The following PRORP variants were observed in gnomAD, a reference collection of about 807,000 sequenced individuals.
The protein encoded by PRORP is protein only RNase P catalytic subunit, also known as mitochondrial ribonuclease P catalytic subunit.
PRORP carries 51 observed loss-of-function variants against 59.4 expected under a neutral mutation model. The observed-to-expected ratio is 0.86, with a 90% CI of 0.69 to 1.08. PRORP has a LOEUF of 1.08. Ranked by LOEUF, PRORP falls within the 50% of genes least tolerant of loss-of-function variation. The pLI, the probability that PRORP is intolerant of heterozygous loss-of-function variation, is 0.00. For missense variants in PRORP, 646 were observed against 690.3 expected (o/e 0.94, Z 0.72); for synonymous variants, 231 against 245.6 (o/e 0.94, Z 0.55).
intron 4 of PRORP, among the ~76,000 whole-genome samples, chr14:35,170,580 G>T (rs2048290486): frequency 6.6e-6 from 1 of 151,866 alleles, no homozygotes; most frequent in African/African-American, 2.4e-5. Context: ...CCTGGTCTTT[G>T]TGCTATTGTT....
At position 35,123,898 on chromosome 14, in the gene PRORP, G is replaced by A. The variant is rs1168454208; in HGVS notation, c.653G>A (p.Arg218Gln). The A allele has an allele frequency of 9.9e-6, 16 of 1,614,020 alleles. No homozygotes were observed. Among genetic ancestry groups the A allele is most frequent in the African/African-American group, 6.7e-5 (5 of 74,924 alleles). ...LEPRGYSLLI[R>Q]GLIHSDRWRE... ...CCTAGAGGTTACAGTCTTCTCATCC[G>A]GGGATTGATCCATTCAGACAGATGG... Residue 218 changes from arginine to glutamine, a missense_variant, in exon 2 of 8, where the codon CGG (arginine) becomes CAG (glutamine). Coordinates refer to ENST00000534898, the MANE Select transcript of PRORP (RefSeq NM_014672.4).
chr14:35,213,350 C>A (rs1269684389), intron 5 of PRORP, among the ~76,000 whole-genome samples: 1 of 152,122 alleles, frequency 6.6e-6, no homozygotes, highest in Non-Finnish European at 1.5e-5. Context: ...AGGATCACTT[C>A]AGCCCAGGAG....
chr14:35,137,273 T>TA (rs1208802309), intron 4 of PRORP, among the ~76,000 whole-genome samples: 1 of 127,276 alleles, frequency 7.9e-6, no homozygotes, highest in Non-Finnish European at 1.9e-5. Context: ...TCAATAGAGA[T>TA]AAAAAATATT....
intron 5 of PRORP, among the ~76,000 whole-genome samples, chr14:35,183,291 ATACTG>A (rs1398457102): frequency 6.6e-6 from 1 of 152,144 alleles, no homozygotes; most frequent in Non-Finnish European, 1.5e-5. Context: ...TGGGGATAGA[ATACTG>A]TATAAGAGAA....
intron 4 of PRORP, among the ~76,000 whole-genome samples, chr14:35,151,934 C>CTTTTTTTTTTTTTTTTTTTTTTTT (rs11342103): frequency 1.6e-5 from 2 of 124,838 alleles, no homozygotes; most frequent in African/African-American, 3.0e-5. Context: ...GTTAATCCAT[C>CTTTTTTTTTTTTTTTTTTTTTTTT]TTTTTTTTTT....
At chr14:35,177,568 T>A (rs2048485943) in intron 4 of PRORP, among the ~76,000 whole-genome samples, 2 of 152,216 alleles carry the variant, frequency 1.3e-5, no homozygotes, top group African/African-American at 4.8e-5. Context: ...TAGTTTGTAT[T>A]TCTGTGGGAT....
At chr14:35,267,120 G>A (rs1404471456) in intron 6 of PRORP, among the ~76,000 whole-genome samples, 3 of 152,128 alleles carry the variant, frequency 2.0e-5, no homozygotes, top group Non-Finnish European at 2.9e-5. Flanking sequence ...GAAGTGGAGG[G>A]AAGTTAAGTC....
intron 5 of PRORP, among the ~76,000 whole-genome samples, chr14:35,202,137 C>T (rs1038963605): frequency 3.3e-5 from 5 of 151,146 alleles, no homozygotes; most frequent in African/African-American, 9.7e-5. Flanking sequence ...GCCCGGCTAA[C>T]TTTTTGTATT....
intron 5 of PRORP, among the ~76,000 whole-genome samples, chr14:35,239,698 AG>A (rs1377358346): frequency 6.6e-6 from 1 of 152,254 alleles, no homozygotes; most frequent in Non-Finnish European, 1.5e-5. Context: ...AAGCCATACC[AG>A]TGTCATGCCA....
intron 5 of PRORP, among the ~76,000 whole-genome samples, chr14:35,230,404 A>G (rs1196612158): frequency 4.6e-5 from 7 of 152,342 alleles, no homozygotes; most frequent in Non-Finnish European, 1.0e-4. Context: ...ATAGCTTTCA[A>G]ATATGATTTC....
upstream of PRORP, chr14:35,122,021 C>T (rs983701915): frequency 6.3e-7 from 1 of 1,588,968 alleles, no homozygotes. Context: ...CCCCTACCAG[C>T]TCAGGCGTCA....
intron 5 of PRORP, among the ~76,000 whole-genome samples, chr14:35,250,607 C>T (rs1273829736): frequency 6.6e-6 from 1 of 152,178 alleles, no homozygotes; most frequent in African/African-American, 2.4e-5. Flanking sequence ...TTCTCCTCAC[C>T]ATCCCCCGAC....
chr14:35,217,432 C>T (rs1444989097), intron 5 of PRORP, among the ~76,000 whole-genome samples: 1 of 141,484 alleles, frequency 7.1e-6, no homozygotes, highest in East Asian at 2.1e-4. Context: ...ACCTGGGAGG[C>T]AAAGGTTGAA....
At chr14:35,221,273 A>T (rs1324287239) in intron 5 of PRORP, among the ~76,000 whole-genome samples, 1 of 152,260 alleles carries the variant, frequency 6.6e-6, no homozygotes, top group Non-Finnish European at 1.5e-5. Context: ...AGAATATTTT[A>T]ATGCATTGTT....
intron 5 of PRORP, among the ~76,000 whole-genome samples, chr14:35,200,873 T>C (rs911225983): frequency 7.2e-5 from 11 of 152,270 alleles, no homozygotes; most frequent in African/African-American, 2.6e-4. Context: ...AGTCCATACT[T>C]TATTTAGATT....
At chr14:35,151,913 CTTTT>C (rs926623483) in intron 4 of PRORP, among the ~76,000 whole-genome samples, 2 of 127,702 alleles carry the variant, frequency 1.6e-5, no homozygotes, top group Admixed American at 7.6e-5. Context: ...TTTTTTTCTT[CTTTT>C]TTTTTTGTTA....
intron 5 of PRORP, among the ~76,000 whole-genome samples, chr14:35,189,430 C>CT (rs35474589): frequency 0.21 from 28,084 of 133,770 alleles, 3,176 homozygotes; most frequent in Non-Finnish European, 0.28. Context: ...AAATTCTGAG[C>CT]TTTTTTTTTT....
intron 5 of PRORP, among the ~76,000 whole-genome samples, chr14:35,200,407 G>C (rs1038434991): frequency 4.6e-5 from 7 of 152,070 alleles, no homozygotes; most frequent in Non-Finnish European, 1.0e-4. Context: ...GGCCAGGCTG[G>C]TCTTGAACTC....
chr14:35,155,862 C>CAT (rs35972597), intron 4 of PRORP, among the ~76,000 whole-genome samples: 61,463 of 151,876 alleles, frequency 0.4, 12,632 homozygotes, highest in African/African-American at 0.48. Context: ...GTCATTTGCA[C>CAT]GTTTCTTTTT....
Sources: gnomAD v4.1 joint callset for allele counts (sites outside exome capture counted in the v4.1 genomes callset) on GRCh38, gnomAD v4.1.1 for gene constraint, MANE v1.5 for transcripts, NCBI Gene and HGNC (gene_info 2026-07-23, HGNC 2026-07-21) for gene names.